ERCC4: variants seen among roughly 807,000 people sequenced by gnomAD.
The protein encoded by ERCC4 is ERCC excision repair 4, endonuclease catalytic subunit, also known as DNA repair endonuclease XPF.
Under a neutral mutation model 76.9 loss-of-function variants are expected in ERCC4, and 65 were observed. The ratio of observed to expected loss-of-function variants is 0.84; its 90% CI spans 0.69 to 1.04. ERCC4 has a LOEUF of 1.04. Ranked by LOEUF, ERCC4 falls within the 50% of genes least tolerant of loss-of-function variation. ERCC4 has a pLI of 0.00. For synonymous variants in ERCC4, 463 were observed against 410.1 expected (o/e 1.13, Z -1.56); for missense variants, 1,214 against 1,128.2 (o/e 1.08, Z -1.09).
rs996229104 is a variant in ERCC4, at chr16:13,932,168, C to T, written c.985C>T (p.Leu329Phe). ...AFGQNSGWLF[L>F]DSSTSMFINA... is the part of the protein sequence containing the mutation. ...ACTTTTCGTATTAGGTTGGCTGTTTCTTGACTCCAGCACCTCGATGTTTAT... is the reference window on the plus strand; with the variant it reads ...ACTTTTCGTATTAGGTTGGCTGTTTTTTGACTCCAGCACCTCGATGTTTAT... The change falls in exon 6 of 11, where the codon CTT becomes TTT. Residue 329 changes from leucine to phenylalanine, a missense_variant. Coordinates refer to ENST00000311895, the MANE Select transcript of ERCC4 (RefSeq NM_005236.3). 8 of 1,613,414 alleles carry T rather than the reference C, an allele frequency of 5.0e-6. No homozygotes were observed. The highest frequency in any genetic ancestry group is 6.8e-6 in the Non-Finnish European group (8 of 1,179,580).
intron 9 of ERCC4, among the ~76,000 whole-genome samples, chr16:13,938,704 G>A (rs542778135): frequency 2.0e-5 from 3 of 152,212 alleles, no homozygotes; most frequent in Non-Finnish European, 4.4e-5. Context: ...CTCAGACATT[G>A]GCAATGGAGG....
intron 2 of ERCC4, chr16:13,922,447 G>T: frequency 1.5e-5 from 11 of 758,376 alleles, no homozygotes; most frequent in South Asian, 1.3e-4. Flanking sequence ...GTTGTGAATT[G>T]CACAACTCAC....
chr16:13,926,703 T>C lies in ERCC4; in HGVS notation c.531T>C (p.His177=). 6.2e-7 allele frequency: 1 copy of C among 1,614,146 alleles called. No individual in the cohort carries two copies. Among genetic ancestry groups the C allele is most frequent in the South Asian group, 1.1e-5 (1 of 91,084 alleles). The change falls in exon 3 of 11, where the codon CAT becomes CAC. Residue 177 remains histidine, a synonymous_variant. Transcript: ENST00000311895. ...TTGCCTTTGATACTGGTTTTTGTCA[T>C]GTGGAAAGAGTGATGAGAAATCTTT... ...NAVAFDTGFC[H]VERVMRNLFV...
At chr16:13,939,610 G>A (rs1478744023) in intron 9 of ERCC4, among the ~76,000 whole-genome samples, 1 of 152,068 alleles carries the variant, frequency 6.6e-6, no homozygotes, top group Non-Finnish European at 1.5e-5. Context: ...CCCTGTAAAG[G>A]ATTTAGGGCT....
At chr16:13,947,497 T>C in intron 10 of ERCC4, 117 bp from the exon 11 acceptor site, 12 of 1,056,772 alleles carry the variant, frequency 1.1e-5, no homozygotes, top group Admixed American at 3.4e-5. Flanking sequence ...AATATTACCA[T>C]ATAGAATTAT....
rs746341967 is a variant in ERCC4 at position 13,930,692 on chromosome 16, ATTTTATTC to A, written c.793-15_793-8del. ...ACTTAACATATTTTAGCAATACCAA[ATTTTATTC>A]TTGTTTTAGACAATCCGCCATTATC... On this transcript the variant is annotated splice_polypyrimidine_tract_variant and intron_variant, in intron 4 of 10. Transcript: ENST00000311895. 6.2e-7 allele frequency: 1 copy of A among 1,603,724 alleles called. No homozygotes were observed. Among genetic ancestry groups the A allele is most frequent in the Non-Finnish European group, 8.5e-7 (1 of 1,170,812 alleles).
At chr16:13,939,622 C>T (rs2032375102) in intron 9 of ERCC4, among the ~76,000 whole-genome samples, 1 of 152,050 alleles carries the variant, frequency 6.6e-6, no homozygotes. Flanking sequence ...TTTAGGGCTT[C>T]ACGGGCAGTA....
At chr16:13,922,251 A>AT in intron 2 of ERCC4, 40 bp downstream of exon 2, 1 of 1,359,670 alleles carries the variant, frequency 7.4e-7, no homozygotes. Flanking sequence ...GTAAATTTGT[A>AT]CTTTTTTTTT....
At chr16:13,920,734 T>G (rs1021272703) in intron 1 of ERCC4, among the ~76,000 whole-genome samples, 1 of 145,866 alleles carries the variant, frequency 6.9e-6, no homozygotes, top group African/African-American at 2.6e-5. Context: ...AAGGGAGGGG[T>G]CCCAAGAAGG....
At chr16:13,940,230 T>C (rs1273814194) in intron 9 of ERCC4, among the ~76,000 whole-genome samples, 1 of 151,708 alleles carries the variant, frequency 6.6e-6, no homozygotes, top group East Asian at 1.9e-4. Flanking sequence ...CTACTAAAAA[T>C]GCAAAAATTA....
intron 9 of ERCC4, among the ~76,000 whole-genome samples, chr16:13,940,704 A>G (rs976697048): frequency 7.9e-5 from 12 of 152,226 alleles, no homozygotes; most frequent in Admixed American, 3.9e-4. Context: ...CATCGTCAGC[A>G]TAAACTATCT....
At chr16:13,946,200 A>G (rs1470714253) in intron 10 of ERCC4, among the ~76,000 whole-genome samples, 4 of 152,226 alleles carry the variant, frequency 2.6e-5, no homozygotes, top group Non-Finnish European at 5.9e-5. Context: ...CTACCTAGAT[A>G]AGCCAGATAA....
chr16:13,920,907 G>A (rs1245609909), intron 1 of ERCC4, among the ~76,000 whole-genome samples: 1 of 152,160 alleles, frequency 6.6e-6, no homozygotes, highest in African/African-American at 2.4e-5. Context: ...GGGGTCCCCA[G>A]AAGGATGCAG....
In ERCC4 at chr16:13,950,467, A is replaced by G. The variant is rs2141623904; in HGVS notation, c.*2120A>G. Reference sequence around the variant, plus strand: ...AGGAAAAGGAGAAGAAATAAAAATTAGTTTAAGATGGAATAAAGATTTGGG... The same window carrying G: ...AGGAAAAGGAGAAGAAATAAAAATTGGTTTAAGATGGAATAAAGATTTGGG... On this transcript the variant is annotated 3_prime_UTR_variant, in exon 11 of 11. Coordinates refer to ENST00000311895, the MANE Select transcript of ERCC4 (RefSeq NM_005236.3). 5.2e-6 allele frequency: 1 copy of G among 191,608 alleles called. No homozygotes were observed. Among genetic ancestry groups the G allele is most frequent in the East Asian group, 8.3e-5 (1 of 12,030 alleles). 11.9% of individuals were successfully genotyped at this position (191,608 alleles called of 1,614,324 possible). A position where few individuals can be genotyped will look rare whatever the true frequency, so the allele number is the denominator to read the frequency against.
intron 2 of ERCC4, among the ~76,000 whole-genome samples, chr16:13,926,118 T>TA (rs932949437): frequency 3.1e-4 from 45 of 146,976 alleles, no homozygotes; most frequent in Non-Finnish European, 3.6e-4. Flanking sequence ...ATTCATACAT[T>TA]AAAAAAAAAA....
chr16:13,934,144 A>T, intron 6 of ERCC4, 48 bp from the exon 7 acceptor site: 2 of 1,256,272 alleles, frequency 1.6e-6, no homozygotes, highest in Non-Finnish European at 2.3e-6. Context: ...GGAAGACTTT[A>T]TGGGTAAATA....
Position 13,922,143 on chromosome 16 carries a change from T to C in ERCC4, c.320T>C (p.Ile107Thr), listed in dbSNP as rs1179632429. ...GAAGTTTACACACAAGGTGGTGTTA[T>C]ATTTGCGACAAGTAGGATACTTGTG... ...RYEVYTQGGV[I>T]FATSRILVVD... Residue 107 changes from isoleucine to threonine, a missense_variant, in exon 2 of 11, where the codon ATA (isoleucine) becomes ACA (threonine). Ile to Thr is a moderately conservative substitution (Grantham distance 89, BLOSUM62 -1). Coordinates refer to ENST00000311895, the MANE Select transcript of ERCC4 (RefSeq NM_005236.3). The C allele has an allele frequency of 1.2e-6, 2 of 1,613,426 alleles. No homozygotes were observed. The highest frequency in any genetic ancestry group is 1.7e-6 in the Non-Finnish European group (2 of 1,179,442).
intron 9 of ERCC4, among the ~76,000 whole-genome samples, chr16:13,938,830 AATATAC>A: frequency 6.6e-6 from 1 of 152,208 alleles, no homozygotes; most frequent in East Asian, 1.9e-4. Context: ...GTATGTGCAA[AATATAC>A]ATATAACCTG....
In ERCC4 at chr16:13,941,659, A is replaced by G. The variant is rs1567250921; in HGVS notation, c.1905-3064A>G. Among the ~76,000 whole-genome samples, 4 of 152,332 alleles carry G rather than the reference A, an allele frequency of 2.6e-5. No individual in the cohort carries two copies. In the South Asian group the frequency reaches 8.3e-4, roughly 32 times the overall value. ...ATAAAGTGGAAAAGATTACACTGCT[A>G]AATATCATAATAATTTTATTTCTAC... is the stretch of plus-strand genomic sequence containing the variant. On this transcript the variant is annotated intron_variant, in intron 9 of 10. Transcript: ENST00000311895.
Sources: allele counts gnomAD v4.1 joint callset (sites outside exome capture counted in the v4.1 genomes callset), GRCh38; gene constraint gnomAD v4.1.1; transcripts MANE v1.5; gene names NCBI Gene and HGNC (gene_info 2026-07-23, HGNC 2026-07-21).